The following NEK11 variants were observed in gnomAD, a reference collection of about 807,000 sequenced individuals.
NEK11 encodes the protein serine/threonine-protein kinase Nek11.
NEK11 carries 72 observed loss-of-function variants against 80.7 expected under a neutral mutation model. That is an observed-to-expected ratio of 0.89 (90% CI 0.74 to 1.08). The LOEUF is 1.08. Ranked by LOEUF, NEK11 falls within the 50% of genes least tolerant of loss-of-function variation. The pLI, the probability that NEK11 is intolerant of heterozygous loss-of-function variation, is 0.00. For synonymous variants in NEK11, 251 were observed against 260.7 expected, an observed-to-expected ratio of 0.96 and a Z score of 0.36; for missense variants, 764 against 763.6, an observed-to-expected ratio of 1.00 and a Z score of -0.01.
At chr3:131,182,841 A>G (rs2093425929) in intron 14 of NEK11, among the ~76,000 whole-genome samples, 1 of 152,232 alleles carries the variant, frequency 6.6e-6, no homozygotes, top group Admixed American at 6.5e-5. Flanking sequence ...AAGAAATGAA[A>G]AAACTCAACC....
intron 14 of NEK11, among the ~76,000 whole-genome samples, chr3:131,206,001 A>G (rs770620369): frequency 1.6e-4 from 24 of 152,330 alleles, no homozygotes; most frequent in Admixed American, 3.9e-4. Flanking sequence ...ATCACTGCGT[A>G]TAAGTAAGGA....
chr3:131,064,250 CCA>C (rs906276169), intron 3 of NEK11, among the ~76,000 whole-genome samples: 4 of 152,126 alleles, frequency 2.6e-5, no homozygotes, highest in African/African-American at 9.7e-5. Context: ...TAATGAAATG[CCA>C]CAGACTAGGT....
intron 14 of NEK11, among the ~76,000 whole-genome samples, chr3:131,190,948 G>T (rs2093770860): frequency 6.6e-6 from 1 of 152,142 alleles, no homozygotes; most frequent in East Asian, 1.9e-4. Flanking sequence ...TTAACAGCAG[G>T]AAATCAATTA....
intron 3 of NEK11, among the ~76,000 whole-genome samples, chr3:131,046,604 T>C (rs1188198047): frequency 6.6e-6 from 1 of 152,074 alleles, no homozygotes; most frequent in African/African-American, 2.4e-5. Flanking sequence ...AATTATACTT[T>C]AAGTTCTAGG....
chr3:131,140,784 C>A (rs2086723249), intron 7 of NEK11, among the ~76,000 whole-genome samples: 2 of 152,220 alleles, frequency 1.3e-5, no homozygotes, highest in Admixed American at 1.3e-4. Flanking sequence ...ACCTGGACCA[C>A]AGCTGAGAAC....
intron 16 of NEK11, among the ~76,000 whole-genome samples, chr3:131,255,525 T>A (rs2095800542): frequency 6.6e-6 from 1 of 152,102 alleles, no homozygotes. Flanking sequence ...GCCCTATACA[T>A]CTAGGTTCAT....
At chr3:131,300,316 C>T (rs1004821204) in intron 17 of NEK11, among the ~76,000 whole-genome samples, 1 of 151,992 alleles carries the variant, frequency 6.6e-6, no homozygotes, top group Non-Finnish European at 1.5e-5. Context: ...ATATTTTCTC[C>T]CATTCTGTAG....
chr3:131,243,414 C>T (rs1247846820), intron 15 of NEK11, 22 bp from the exon 16 acceptor site: 10 of 1,605,492 alleles, frequency 6.2e-6, no homozygotes, highest in Non-Finnish European at 8.5e-6. Flanking sequence ...GGAAAATAAA[C>T]ATTTCTCCCT....
intron 17 of NEK11, chr3:131,330,991 A>G (rs887743113): frequency 1.3e-5 from 2 of 152,092 alleles, no homozygotes; most frequent in African/African-American, 4.8e-5. Flanking sequence ...CACTCCCATA[A>G]TAACAGCATT....
At chr3:131,203,679 A>G (rs1220525911) in intron 14 of NEK11, among the ~76,000 whole-genome samples, 3 of 143,954 alleles carry the variant, frequency 2.1e-5, no homozygotes, top group African/African-American at 7.8e-5. Context: ...TAAAGTACAC[A>G]TAAAGTTCAT....
At chr3:131,281,696 T>C (rs1483415704) in intron 17 of NEK11, among the ~76,000 whole-genome samples, 2 of 152,240 alleles carry the variant, frequency 1.3e-5, no homozygotes. Context: ...AATGCCACTT[T>C]GCATTCCCAC....
At chr3:131,304,957 G>T (rs990664109) in intron 17 of NEK11, among the ~76,000 whole-genome samples, 1 of 152,078 alleles carries the variant, frequency 6.6e-6, no homozygotes, top group African/African-American at 2.4e-5. Flanking sequence ...GCTGGTGGCA[G>T]TGATGGCATG....
intron 3 of NEK11, among the ~76,000 whole-genome samples, chr3:131,050,055 G>A (rs923101747): frequency 2.6e-5 from 4 of 152,038 alleles, no homozygotes; most frequent in Admixed American, 2.6e-4. Flanking sequence ...TGCAGTGTGA[G>A]GTTAATGGGG....
chr3:131,200,968 C>T (rs1422475471), intron 14 of NEK11, among the ~76,000 whole-genome samples: 1 of 152,050 alleles, frequency 6.6e-6, no homozygotes, highest in East Asian at 1.9e-4. Context: ...AATGAAATGC[C>T]TATTAATAGC....
intron 7 of NEK11, among the ~76,000 whole-genome samples, chr3:131,150,694 A>C (rs2089476311): frequency 6.6e-6 from 1 of 151,862 alleles, no homozygotes; most frequent in Non-Finnish European, 1.5e-5. Flanking sequence ...TTTTGTCATG[A>C]ATTTTTATTC....
intron 14 of NEK11, among the ~76,000 whole-genome samples, chr3:131,192,582 A>G (rs932693528): frequency 6.6e-6 from 1 of 152,256 alleles, no homozygotes; most frequent in African/African-American, 2.4e-5. Flanking sequence ...TAACATACAT[A>G]CAATGGAATA....
At chr3:131,256,174 AT>A (rs2095812831) in intron 16 of NEK11, among the ~76,000 whole-genome samples, 1 of 152,150 alleles carries the variant, frequency 6.6e-6, no homozygotes, top group Non-Finnish European at 1.5e-5. Context: ...GCAATATCAT[AT>A]TGTACATTTC....
At chr3:131,277,110 A>G (rs967001358) in intron 17 of NEK11, among the ~76,000 whole-genome samples, 1 of 152,168 alleles carries the variant, frequency 6.6e-6, no homozygotes, top group Non-Finnish European at 1.5e-5. Flanking sequence ...GTTTGTCCTG[A>G]ACTTTTAAAC....
At chr3:131,234,820 C>T (rs766615191) in intron 15 of NEK11, among the ~76,000 whole-genome samples, 24 of 151,474 alleles carry the variant, frequency 1.6e-4, no homozygotes, top group Non-Finnish European at 3.2e-4. Flanking sequence ...ATTTGATATA[C>T]TATTCTTTTT....
Sources: allele counts gnomAD v4.1 joint callset (sites outside exome capture counted in the v4.1 genomes callset), GRCh38; gene constraint gnomAD v4.1.1; transcripts MANE v1.5; gene names NCBI Gene and HGNC (gene_info 2026-07-23, HGNC 2026-07-21).